The following SASH1 variants were observed in gnomAD, a reference collection of about 807,000 sequenced individuals.
SASH1 encodes SAM and SH3 domain-containing protein 1.
A neutral mutation model predicts 125.2 loss-of-function variants in SASH1; 44 were observed. The observed-to-expected ratio is 0.35, with a 90% CI of 0.28 to 0.45. The LOEUF is 0.45. SASH1 is among the 20% of genes least tolerant of loss of function. SASH1 has a pLI of 1.00. For missense variants in SASH1, 1,426 were observed against 1,614.5 expected (o/e 0.88, Z 2.00); for synonymous variants, 639 against 649.1 (o/e 0.98, Z 0.24).
chr6:148,252,143 C>T, the SASH1 span, among the ~76,000 whole-genome samples: 2 of 151,968 alleles, frequency 1.3e-5, no homozygotes, highest in African/African-American at 2.4e-5. Context: ...TCTCCAAAAA[C>T]GTATGTGGCC....
rs151207532 is a variant in SASH1, at chr6:148,484,481, C to T, written c.628-3133C>T. Among the ~76,000 whole-genome samples, 14 of 151,222 alleles carry T rather than the reference C, an allele frequency of 9.3e-5. 1 individual carries two copies. The highest frequency in any genetic ancestry group is 7.2e-4 in the Admixed American group (11 of 15,188). On this transcript the variant is annotated intron_variant, in intron 7 of 19. Coordinates refer to ENST00000367467, the MANE Select transcript of SASH1 (RefSeq NM_015278.5). ...AAATTATAATTAAACCAAAACTTCTCGAACCAAAGTGGAATATAAAAATGT... is the reference window on the plus strand; with the variant it reads ...AAATTATAATTAAACCAAAACTTCTTGAACCAAAGTGGAATATAAAAATGT...
intron 9 of SASH1, among the ~76,000 whole-genome samples, chr6:148,515,802 A>G (rs923380416): frequency 6.6e-6 from 1 of 152,196 alleles, no homozygotes; most frequent in African/African-American, 2.4e-5. Context: ...GGAATTGCCA[A>G]CATTCAACTT....
At chr6:148,504,583 G>A (rs997922853) in intron 8 of SASH1, among the ~76,000 whole-genome samples, 8 of 152,054 alleles carry the variant, frequency 5.3e-5, no homozygotes, top group African/African-American at 1.9e-4. Context: ...AGCTTCCTAG[G>A]GTGGCCTGGC....
the SASH1 span, among the ~76,000 whole-genome samples, chr6:148,252,081 C>G: frequency 2.0e-4 from 31 of 152,014 alleles, no homozygotes; most frequent in African/African-American, 7.2e-4. Context: ...ATGAATGCAC[C>G]CATATGAAGT....
At chr6:148,302,651 G>A (rs1443075441) in intron 1 of SASH1, among the ~76,000 whole-genome samples, 2 of 66,326 alleles carry the variant, frequency 3.0e-5, no homozygotes, top group African/African-American at 1.3e-4. Flanking sequence ...TTAGATGTGT[G>A]TGTATATATA....
intron 1 of SASH1, among the ~76,000 whole-genome samples, chr6:148,345,441 C>T (rs1478713429): frequency 2.0e-5 from 3 of 152,256 alleles, no homozygotes; most frequent in Middle Eastern, 3.4e-3. Context: ...CTGGGAAGAA[C>T]GTAAAGCCTG....
In SASH1 at chr6:148,474,222, G is replaced by A. The variant is rs1398514740; in HGVS notation, c.627G>A (p.Arg209=). ...KMITIEEALA[R]LKEYEAQHRQ... is the part of the protein sequence containing the mutation. ...TCACAATTGAGGAAGCACTTGCTAG[G>A]GTAAGCATGCAGATACCTGGTTTAT... The change falls in exon 7 of 20, where the codon AGG becomes AGA. Residue 209 remains arginine, a splice_region_variant and synonymous_variant. Coordinates refer to ENST00000367467, the MANE Select transcript of SASH1 (RefSeq NM_015278.5). The A allele has an allele frequency of 1.9e-6, 3 of 1,571,806 alleles. No homozygotes were observed. In the East Asian group the frequency reaches 6.8e-5, roughly 36 times the overall value.
rs945988584 is a variant in SASH1 at position 148,298,642 on chromosome 6, G to A, written n.74+26265G>A. ...AACAGAGTGAGAGGGATGAAAGAAG[G>A]AAGGAAGGGAGGGAGGGAGGGAGGG... is the stretch of plus-strand genomic sequence containing the variant. On this transcript the variant is annotated intron_variant and non_coding_transcript_variant, in intron 1 of 3. Transcript: ENST00000367469. 6.4e-5 allele frequency among the ~76,000 whole-genome samples: 7 copies of A among 109,582 alleles called. No homozygotes were observed. In the South Asian group the frequency reaches 2.0e-3, roughly 31 times the overall value. 71.9% of individuals were successfully genotyped at this position (109,582 alleles called of 152,430 possible). A position where few individuals can be genotyped will look rare whatever the true frequency, so the allele number is the denominator to read the frequency against.
chr6:148,478,086 G>A (rs1194820721), intron 7 of SASH1, among the ~76,000 whole-genome samples: 1 of 152,168 alleles, frequency 6.6e-6, no homozygotes, highest in Non-Finnish European at 1.5e-5. Context: ...TGATGGGAAT[G>A]TAAATTATTA....
chr6:148,291,734 T>A (rs573069427), intron 1 of SASH1, among the ~76,000 whole-genome samples: 51 of 151,930 alleles, frequency 3.4e-4, no homozygotes, highest in African/African-American at 1.1e-3. Flanking sequence ...GACTTTTTTT[T>A]TAAAAAAAGA....
At chr6:148,542,853 TG>T (rs1782307305) in intron 17 of SASH1, among the ~76,000 whole-genome samples, 1 of 37,324 alleles carries the variant, frequency 2.7e-5, no homozygotes, top group African/African-American at 7.2e-5. Context: ...CAAGGGACAG[TG>T]TGTGTGTGTG....
chr6:148,545,115 T>C (rs541366598), intron 18 of SASH1, among the ~76,000 whole-genome samples: 1 of 152,348 alleles, frequency 6.6e-6, no homozygotes, highest in East Asian at 1.9e-4. Flanking sequence ...TCAGATGTGA[T>C]AATTGTATTA....
intron 1 of SASH1, among the ~76,000 whole-genome samples, chr6:148,384,357 A>G (rs1783272440): frequency 6.6e-6 from 1 of 152,234 alleles, no homozygotes; most frequent in Non-Finnish European, 1.5e-5. Flanking sequence ...TCCAGACCAG[A>G]AACTTTTGAA....
intron 1 of SASH1, among the ~76,000 whole-genome samples, chr6:148,302,176 G>A (rs1408451486): frequency 3.3e-5 from 5 of 150,964 alleles, no homozygotes; most frequent in Non-Finnish European, 7.4e-5. Context: ...TTAGCCGGGC[G>A]TGGTGGCGGG....
At chr6:148,427,824 G>C (rs1017660395) in intron 2 of SASH1, among the ~76,000 whole-genome samples, 1 of 152,178 alleles carries the variant, frequency 6.6e-6, no homozygotes, top group Non-Finnish European at 1.5e-5. Flanking sequence ...TGTCTCCTCT[G>C]AATGGGTACG....
chr6:148,204,405 T>G, the SASH1 span, among the ~76,000 whole-genome samples: 1 of 152,144 alleles, frequency 6.6e-6, no homozygotes, highest in Non-Finnish European at 1.5e-5. Flanking sequence ...AAAGATAAAA[T>G]TCTTGGCTGG....
intron 1 of SASH1, among the ~76,000 whole-genome samples, chr6:148,387,572 CTT>C (rs1783446935): frequency 1.9e-4 from 1 of 5,182 alleles, no homozygotes; most frequent in African/African-American, 1.2e-3. Context: ...TTTTCTCTTT[CTT>C]TCTTTCTTTC....
intron 4 of SASH1, among the ~76,000 whole-genome samples, chr6:148,446,333 C>A (rs1776791679): frequency 1.3e-5 from 2 of 151,998 alleles, no homozygotes; most frequent in Non-Finnish European, 2.9e-5. Context: ...TGGTCTTGAT[C>A]TCCTGACCTC....
intron 4 of SASH1, among the ~76,000 whole-genome samples, chr6:148,465,192 C>T (rs1460486763): frequency 6.6e-6 from 1 of 152,030 alleles, no homozygotes; most frequent in African/African-American, 2.4e-5. Flanking sequence ...TTTGTGTTTT[C>T]ACTTATTACA....
Sources: allele counts gnomAD v4.1 joint callset (sites outside exome capture counted in the v4.1 genomes callset), GRCh38; gene constraint gnomAD v4.1.1; transcripts MANE v1.5; gene names NCBI Gene and HGNC (gene_info 2026-07-23, HGNC 2026-07-21).